Variants in CCDC126 observed in about 807,000 individuals in gnomAD.
The protein encoded by CCDC126 is coiled-coil domain containing 126.
In CCDC126, 5 loss-of-function variants were observed where a neutral mutation model predicts 11.7. The observed-to-expected ratio is 0.43, with a 90% CI of 0.22 to 0.90. The LOEUF is 0.90. Among genes scored for constraint, CCDC126 ranks in the 40% least tolerant of loss-of-function variants. The pLI, the probability that CCDC126 is intolerant of heterozygous loss-of-function variation, is 0.27. For synonymous variants in CCDC126, 60 were observed against 61.9 expected (o/e 0.97, Z 0.14); for missense variants, 150 against 163.1 (o/e 0.92, Z 0.44).
intron 3 of CCDC126, among the ~76,000 whole-genome samples, chr7:23,635,901 G>T (rs1324479071): frequency 6.6e-6 from 1 of 151,718 alleles, no homozygotes; most frequent in Non-Finnish European, 1.5e-5. Flanking sequence ...CTCTCCCCAC[G>T]GTCTCCTTCC....
intron 3 of CCDC126, among the ~76,000 whole-genome samples, chr7:23,636,073 C>T (rs1411280852): frequency 6.6e-6 from 1 of 152,050 alleles, no homozygotes; most frequent in Non-Finnish European, 1.5e-5. Context: ...GCTGTGTTGG[C>T]CGGGCTGGTC....
At chr7:23,631,289 C>T (rs1426465772) in intron 3 of CCDC126, among the ~76,000 whole-genome samples, 1 of 151,808 alleles carries the variant, frequency 6.6e-6, no homozygotes, top group Non-Finnish European at 1.5e-5. Context: ...CATAAATTAC[C>T]AACATCAGGA....
At chr7:23,640,119 G>T (rs1340004949) in intron 3 of CCDC126, among the ~76,000 whole-genome samples, 1 of 151,944 alleles carries the variant, frequency 6.6e-6, no homozygotes, top group Non-Finnish European at 1.5e-5. Context: ...GGAGGTGGAG[G>T]TTGCAGTGAT....
chr7:23,621,759 G>A (rs1301268605), intron 3 of CCDC126, among the ~76,000 whole-genome samples: 2 of 152,132 alleles, frequency 1.3e-5, no homozygotes, highest in Admixed American at 6.6e-5. Context: ...CGTTCCATCA[G>A]TACCTAGTTT....
intron 3 of CCDC126, among the ~76,000 whole-genome samples, chr7:23,632,841 A>T (rs1783139526): frequency 6.6e-6 from 1 of 152,196 alleles, no homozygotes; most frequent in East Asian, 1.9e-4. Context: ...GATATTTAAG[A>T]CGTAGTCTAT....
chr7:23,618,879 A>G (rs1265629990), intron 3 of CCDC126, among the ~76,000 whole-genome samples: 4 of 152,034 alleles, frequency 2.6e-5, no homozygotes, highest in African/African-American at 7.2e-5. Flanking sequence ...CACAGTATCA[A>G]TGTATTTTAT....
chr7:23,602,973 G>C lies in CCDC126; in HGVS notation c.-146+4922G>C, dbSNP rs114736176. Among the ~76,000 whole-genome samples, 844 of 152,262 alleles carry C rather than the reference G, an allele frequency of 5.5e-3. 9 individuals are homozygous for C. Among genetic ancestry groups the C allele is most frequent in the African/African-American group, 0.02 (824 of 41,564 alleles). On this transcript the variant is annotated intron_variant, in intron 2 of 3. Transcript: ENST00000307471. ...TGGTAGGTACTTTGCTATTGTGAAT[G>C]AATTAGTGAACAAATGAATGAGTAA... is the stretch of plus-strand genomic sequence containing the variant.
At chr7:23,625,207 C>CT (rs1782992656) in intron 3 of CCDC126, among the ~76,000 whole-genome samples, 1 of 152,042 alleles carries the variant, frequency 6.6e-6, no homozygotes, top group Admixed American at 6.5e-5. Flanking sequence ...TGGTGCTGAA[C>CT]TTTTTTTGTG....
chr7:23,633,478 A>T (rs909319088), intron 3 of CCDC126, among the ~76,000 whole-genome samples: 3 of 152,126 alleles, frequency 2.0e-5, no homozygotes, highest in Non-Finnish European at 4.4e-5. Flanking sequence ...TTGCTATGAT[A>T]TTTAGTTTGT....
chr7:23,637,556 C>T (rs1185005923), intron 3 of CCDC126, among the ~76,000 whole-genome samples: 3 of 28,230 alleles, frequency 1.1e-4, no homozygotes, highest in Non-Finnish European at 2.0e-4. Flanking sequence ...GCCTGGCCAG[C>T]CGCCCCTTCC....
intron 2 of CCDC126, among the ~76,000 whole-genome samples, chr7:23,603,391 G>T (rs1782573267): frequency 6.6e-6 from 1 of 152,066 alleles, no homozygotes. Flanking sequence ...ACTATTTTCT[G>T]GTTACATTCT....
intron 3 of CCDC126, among the ~76,000 whole-genome samples, chr7:23,640,567 A>G (rs1262340650): frequency 6.6e-6 from 1 of 152,162 alleles, no homozygotes; most frequent in East Asian, 1.9e-4. Context: ...TTGTGCAGCC[A>G]TCACTACTGT....
chr7:23,602,617 G>A (rs983232528), intron 2 of CCDC126, among the ~76,000 whole-genome samples: 5 of 152,144 alleles, frequency 3.3e-5, no homozygotes, highest in African/African-American at 1.2e-4. Context: ...AGGAAAATAG[G>A]AATAAGGAAT....
At chr7:23,609,666 G>A (rs1367173430) in intron 2 of CCDC126, among the ~76,000 whole-genome samples, 1 of 152,076 alleles carries the variant, frequency 6.6e-6, no homozygotes, top group Non-Finnish European at 1.5e-5. Flanking sequence ...TCAGGAGTTC[G>A]AGACTAGCCT....
Position 23,643,536 on chromosome 7 carries a change from G to A in CCDC126, c.*421G>A, listed in dbSNP as rs76964300. 8.2e-3 allele frequency: 1,280 copies of A among 155,450 alleles called. 20 individuals are homozygous for A. The highest frequency in any genetic ancestry group is 0.03 in the African/African-American group (1,232 of 41,668). The allele number at this position is 155,450 out of a possible 1,614,324, so 9.6% of individuals were successfully genotyped here. On this transcript the variant is annotated 3_prime_UTR_variant, in exon 4 of 4. Coordinates refer to ENST00000307471, the MANE Select transcript of CCDC126 (RefSeq NM_138771.4). ...ATTCTGTCATTTGTTCTCAATAGAT[G>A]TAACTGTTAGACTACGGCTATTTGA...
intron 3 of CCDC126, among the ~76,000 whole-genome samples, chr7:23,631,727 C>T (rs918161528): frequency 4.6e-5 from 7 of 151,850 alleles, no homozygotes; most frequent in African/African-American, 1.7e-4. Flanking sequence ...AGCCACTGCA[C>T]CTCAGCCTGG....
chr7:23,627,866 C>G (rs1427002925), intron 3 of CCDC126, among the ~76,000 whole-genome samples: 2 of 152,008 alleles, frequency 1.3e-5, no homozygotes, highest in Non-Finnish European at 2.9e-5. Flanking sequence ...TCTGGGATTG[C>G]AGGTATGAGC....
rs148809003 is a variant in CCDC126 at position 23,605,558 on chromosome 7, T to G, written c.-145-5613T>G. Among the ~76,000 whole-genome samples, 110 of 151,420 alleles carry G rather than the reference T, an allele frequency of 7.3e-4. No individual in the cohort carries two copies. The East Asian group carries it at 0.016, about 23-fold the overall frequency. On this transcript the variant is annotated intron_variant, in intron 2 of 3. Coordinates refer to ENST00000307471, the MANE Select transcript of CCDC126 (RefSeq NM_138771.4). ...ATCACTACCATCCATCTCCAGAGCT[T>G]CTTCATCATCTCCATCTGAAACTCT...
At chr7:23,606,822 C>G (rs943271962) in intron 2 of CCDC126, among the ~76,000 whole-genome samples, 1 of 152,018 alleles carries the variant, frequency 6.6e-6, no homozygotes, top group Admixed American at 6.6e-5. Flanking sequence ...CACCTGCCAT[C>G]CCTTTGGAAA....
Sources: gnomAD v4.1 joint callset for allele counts (sites outside exome capture counted in the v4.1 genomes callset) on GRCh38, gnomAD v4.1.1 for gene constraint, MANE v1.5 for transcripts, NCBI Gene and HGNC (gene_info 2026-07-23, HGNC 2026-07-21) for gene names.